The following PSD3 variants were observed in gnomAD, a reference collection of about 807,000 sequenced individuals.
PSD3 encodes the protein pleckstrin and Sec7 domain containing 3.
PSD3 carries 49 observed loss-of-function variants against 105.5 expected under a neutral mutation model. The ratio of observed to expected loss-of-function variants is 0.46; its 90% CI spans 0.37 to 0.59. The LOEUF is 0.59. Ranked by LOEUF, PSD3 falls within the 20% of genes least tolerant of loss-of-function variation. The pLI is 0.00. For missense variants in PSD3, 1,561 were observed against 1,263.8 expected, an observed-to-expected ratio of 1.24 and a Z score of -3.57; for synonymous variants, 557 against 457.8, an observed-to-expected ratio of 1.22 and a Z score of -2.77.
At chr8:18,825,521 G>T (rs1281291283) in intron 4 of PSD3, among the ~76,000 whole-genome samples, 2 of 152,178 alleles carry the variant, frequency 1.3e-5, no homozygotes, top group Non-Finnish European at 2.9e-5. Context: ...AATAATTAGG[G>T]ATATGAGTGT....
rs114707822 is a variant in PSD3, at chr8:18,875,271, T to A, written c.131-2538A>T. ...TGATGGAATCTAACAAGCACTTCTC[T>A]GGGATAGTATTTATAACACCTTCTA... On this transcript the variant is annotated intron_variant, in intron 2 of 15. Coordinates refer to ENST00000327040, the MANE Select transcript of PSD3 (RefSeq NM_015310.4). Among the ~76,000 whole-genome samples the A allele has an allele frequency of 3.2e-3, 488 of 152,264 alleles. 4 individuals are homozygous for A. Among genetic ancestry groups the A allele is most frequent in the African/African-American group, 0.012 (478 of 41,552 alleles).
intron 8 of PSD3, among the ~76,000 whole-genome samples, chr8:18,793,017 G>A (rs1448362401): frequency 2.0e-5 from 3 of 152,140 alleles, no homozygotes; most frequent in Non-Finnish European, 4.4e-5. Context: ...GAGTTCATAT[G>A]CTTTGTAGGG....
At chr8:18,635,973 A>C (rs1807219695) in intron 10 of PSD3, among the ~76,000 whole-genome samples, 1 of 152,150 alleles carries the variant, frequency 6.6e-6, no homozygotes, top group Non-Finnish European at 1.5e-5. Context: ...ATGGTTTGAT[A>C]GGTGCAGCAA....
intron 14 of PSD3, among the ~76,000 whole-genome samples, chr8:18,559,365 G>T (rs1801259145): frequency 6.6e-6 from 1 of 152,182 alleles, no homozygotes. Flanking sequence ...CCCTGAATAT[G>T]AATGAGGATG....
chr8:18,664,614 A>C (rs1396332215), intron 9 of PSD3, among the ~76,000 whole-genome samples: 1 of 152,256 alleles, frequency 6.6e-6, no homozygotes, highest in African/African-American at 2.4e-5. Context: ...CAGAAGATCC[A>C]GCTAAGATCA....
At chr8:18,836,009 C>T (rs1228290330) in intron 4 of PSD3, among the ~76,000 whole-genome samples, 1 of 152,210 alleles carries the variant, frequency 6.6e-6, no homozygotes, top group Non-Finnish European at 1.5e-5. Flanking sequence ...ATAAACCGTG[C>T]TCACCTGGAT....
At chr8:18,810,729 T>C (rs1586088102) in intron 4 of PSD3, among the ~76,000 whole-genome samples, 1 of 152,118 alleles carries the variant, frequency 6.6e-6, no homozygotes, top group Admixed American at 6.5e-5. Context: ...AAAGGCAAAT[T>C]AGAAGAATCT....
At chr8:18,773,920 C>T (rs890719308) in intron 8 of PSD3, among the ~76,000 whole-genome samples, 12 of 152,134 alleles carry the variant, frequency 7.9e-5, no homozygotes, top group Non-Finnish European at 1.8e-4. Flanking sequence ...TTCCTTTCTT[C>T]AGTATTTTGT....
At chr8:18,682,489 C>T (rs915892068) in intron 9 of PSD3, among the ~76,000 whole-genome samples, 1 of 152,146 alleles carries the variant, frequency 6.6e-6, no homozygotes, top group Non-Finnish European at 1.5e-5. Flanking sequence ...CAACACATCC[C>T]TATACAGGTC....
chr8:18,548,010 T>C (rs963411262), intron 15 of PSD3, among the ~76,000 whole-genome samples: 4 of 152,238 alleles, frequency 2.6e-5, no homozygotes, highest in East Asian at 1.9e-4. Flanking sequence ...TTTTCCTTTT[T>C]TCCCCCATCT....
Position 18,544,443 on chromosome 8 carries a change from T to C in PSD3, c.2929-8485A>G, listed in dbSNP as rs1276714508. Reference sequence around the variant, plus strand: ...TGTTCAGGTTTTTTTTTTTTTCTTTTCCCTATGCTACTCCCATGTCAGGCT... The same window carrying C: ...TGTTCAGGTTTTTTTTTTTTTCTTTCCCCTATGCTACTCCCATGTCAGGCT... On this transcript the variant is annotated intron_variant, in intron 15 of 15. Transcript: ENST00000327040. Among the ~76,000 whole-genome samples the C allele has an allele frequency of 2.0e-5, 3 of 151,948 alleles. No individual in the cohort carries two copies. In the East Asian group the frequency reaches 5.8e-4, roughly 29 times the overall value.
intron 2 of PSD3, among the ~76,000 whole-genome samples, chr8:18,901,389 A>G (rs1819493150): frequency 6.6e-6 from 1 of 152,182 alleles, no homozygotes; most frequent in Admixed American, 6.5e-5. Context: ...GCCAGTCTAT[A>G]TCTTTTAAGT....
At chr8:18,767,066 T>C (rs1807061290) in intron 8 of PSD3, among the ~76,000 whole-genome samples, 1 of 152,088 alleles carries the variant, frequency 6.6e-6, no homozygotes, top group Non-Finnish European at 1.5e-5. Flanking sequence ...ACAAAGGCAG[T>C]CACAGCCTCT....
chr8:18,575,348 A>C (rs2130358781), intron 12 of PSD3, 63 bp from the exon 13 acceptor site: 1 of 1,424,434 alleles, frequency 7.0e-7, no homozygotes, highest in East Asian at 2.5e-5. Flanking sequence ...TTAATTTTTT[A>C]AAAGCAAAAA....
chr8:18,590,334 G>C (rs1432957997), intron 12 of PSD3, among the ~76,000 whole-genome samples: 1 of 152,046 alleles, frequency 6.6e-6, no homozygotes, highest in African/African-American at 2.4e-5. Context: ...AAATCAAACG[G>C]GAGGCCTCTT....
intron 8 of PSD3, among the ~76,000 whole-genome samples, chr8:18,798,180 C>G (rs1000343255): frequency 6.6e-6 from 1 of 152,168 alleles, no homozygotes; most frequent in Non-Finnish European, 1.5e-5. Flanking sequence ...CCGTGCTATA[C>G]TGCCCAAGAA....
chr8:18,870,479 A>G (rs1307081134), intron 3 of PSD3, among the ~76,000 whole-genome samples: 2 of 152,100 alleles, frequency 1.3e-5, no homozygotes, highest in Non-Finnish European at 2.9e-5. Flanking sequence ...GAGTTAAACA[A>G]TGAGAACATA....
intron 2 of PSD3, among the ~76,000 whole-genome samples, chr8:18,890,394 T>G (rs187178524): frequency 6.6e-6 from 1 of 152,150 alleles, no homozygotes; most frequent in Non-Finnish European, 1.5e-5. Context: ...TCAAGCTTAA[T>G]CTAGAGAGAA....
intron 9 of PSD3, among the ~76,000 whole-genome samples, chr8:18,717,586 GTTATATT>G (rs1802682157): frequency 6.6e-6 from 1 of 151,828 alleles, no homozygotes; most frequent in African/African-American, 2.4e-5. Flanking sequence ...AAACAAATTT[GTTATATT>G]ATATATTTTA....
Sources: allele counts gnomAD v4.1 joint callset (sites outside exome capture counted in the v4.1 genomes callset), GRCh38; gene constraint gnomAD v4.1.1; transcripts MANE v1.5; gene names NCBI Gene and HGNC (gene_info 2026-07-23, HGNC 2026-07-21).